Variants in KCTD1 observed in about 807,000 individuals in gnomAD.
KCTD1 encodes potassium channel tetramerization domain containing 1.
KCTD1 carries 24 observed loss-of-function variants against 66.0 expected under a neutral mutation model. That is an observed-to-expected ratio of 0.36 (90% confidence interval 0.26 to 0.51). KCTD1 has a LOEUF of 0.51. KCTD1 is among the 20% of genes least tolerant of loss of function. KCTD1 has a pLI of 0.95. For synonymous variants in KCTD1, 511 were observed against 517.2 expected (o/e 0.99, Z 0.16); for missense variants, 943 against 1,205.2 (o/e 0.78, Z 3.22).
chr18:26,455,956 C>G lies in KCTD1; in HGVS notation c.2440-55G>C. The G allele has an allele frequency of 1.2e-5, 18 of 1,549,608 alleles. No individual in the cohort carries two copies. In the South Asian group the frequency reaches 2.1e-4, roughly 18 times the overall value. The stretch of plus-strand genomic sequence containing the variant: ...AGGGGTGAGGTAAGTCCTATGGCTA[C>G]ATAAACACCCCAAAGTTTGAGATTA... On this transcript the variant is annotated intron_variant, in intron 4 of 4. Coordinates refer to ENST00000580059, the MANE Select transcript of KCTD1 (RefSeq NM_001142730.3).
At chr18:26,653,224 C>A (rs1305396643) in intron 1 of KCTD1, among the ~76,000 whole-genome samples, 1 of 152,214 alleles carries the variant, frequency 6.6e-6, no homozygotes. Flanking sequence ...GGTGCCTGTC[C>A]CTGCAGTCTG....
intron 3 of KCTD1, among the ~76,000 whole-genome samples, chr18:26,463,022 T>C (rs2144545633): frequency 6.6e-6 from 1 of 152,304 alleles, no homozygotes; most frequent in African/African-American, 2.4e-5. Context: ...TCAGCACCTG[T>C]TTTTCTGAAG....
Position 26,501,158 on chromosome 18 carries a change from T to C in KCTD1, c.1902A>G (p.Thr634=). The C allele has an allele frequency of 6.2e-7, 1 of 1,614,218 alleles. No individual in the cohort carries two copies. The highest frequency in any genetic ancestry group is 8.5e-7 in the Non-Finnish European group (1 of 1,180,028). The stretch of plus-strand genomic sequence containing the variant: ...CAATGTGGACAGGCGCATTGGATTT[T>C]GTGAGTTGTGCTGGAGTAGGGATGC... ...NQGIPTPAQL[T]KSNAPVHIDV... is the part of the protein sequence containing the mutation. Residue 634 remains threonine (T), a synonymous_variant, in exon 2 of 5, where the codon ACA becomes ACG. Transcript: ENST00000580059.
intron 1 of KCTD1, among the ~76,000 whole-genome samples, chr18:26,589,408 T>G (rs577521317): frequency 2.0e-5 from 3 of 152,338 alleles, no homozygotes; most frequent in African/African-American, 7.2e-5. Flanking sequence ...TTTATGACTT[T>G]CCACATTTTA....
chr18:26,643,679 C>G (rs1301034433), upstream of KCTD1, among the ~76,000 whole-genome samples: 1 of 152,190 alleles, frequency 6.6e-6, no homozygotes, highest in Non-Finnish European at 1.5e-5. Flanking sequence ...AAGGGGCCTG[C>G]TGGCCGGGTG....
Position 26,548,197 on chromosome 18 carries a change from C to T in KCTD1, c.340G>A (p.Glu114Lys), listed in dbSNP as rs1391989136. The T allele has an allele frequency of 3.3e-6, 5 of 1,504,814 alleles. No homozygotes were observed. Among genetic ancestry groups the T allele is most frequent in the Non-Finnish European group, 3.5e-6 (4 of 1,130,474 alleles). 93.2% of individuals were successfully genotyped at this position (1,504,814 alleles called of 1,614,324 possible). A position where few individuals can be genotyped will look rare whatever the true frequency, so the allele number is the denominator to read the frequency against. Residue 114 changes from glutamate to lysine, a missense_variant, in exon 1 of 5, where the codon GAG (glutamate) becomes AAG (lysine). This residue lies in a region of KCTD1 where 236 missense variants were observed against 206.6 expected (regional missense o/e 1.14). Transcript: ENST00000580059. The stretch of plus-strand genomic sequence containing the variant: ...ATATGGACCGGCTCGGGCTCCAGCT[C>T]CTCCCCGGCCGAGTCCTCGGGCTCC... ...PLEPEDSAGE[E>K]LEPEPVHMIN...
At chr18:26,540,541 T>C (rs771448227) in intron 1 of KCTD1, among the ~76,000 whole-genome samples, 18 of 152,020 alleles carry the variant, frequency 1.2e-4, no homozygotes, top group Non-Finnish European at 2.2e-4. Context: ...ACCTCCTCTA[T>C]CTCCTCTGCC....
intron 1 of KCTD1, chr18:26,599,757 C>T: frequency 6.3e-7 from 1 of 1,574,934 alleles, no homozygotes; most frequent in South Asian, 1.1e-5. Flanking sequence ...CTGTGTTCAC[C>T]CTGACTCTTT....
chr18:26,644,244 A>G (rs1292576846), upstream of KCTD1, among the ~76,000 whole-genome samples: 1 of 152,184 alleles, frequency 6.6e-6, no homozygotes, highest in Non-Finnish European at 1.5e-5. Flanking sequence ...AGGAAGAATT[A>G]TGTGACAATC....
chr18:26,570,192 ATATATATATAT>A (rs1567996906), intron 1 of KCTD1, among the ~76,000 whole-genome samples: 1 of 88,034 alleles, frequency 1.1e-5, no homozygotes, highest in African/African-American at 3.7e-5. Flanking sequence ...TCTAAAAAAA[ATATATATATAT>A]ATATATATAT....
In KCTD1 at chr18:26,585,824, T is replaced by A. The variant is rs183643033; in HGVS notation, c.-16+43323A>T. Among the ~76,000 whole-genome samples, 7 of 152,356 alleles carry A rather than the reference T, an allele frequency of 4.6e-5. No homozygotes were observed. The East Asian group carries it at 9.6e-4, about 21-fold the overall frequency. On this transcript the variant is annotated intron_variant, in intron 1 of 4. Transcript: ENST00000317932. ...ATCTCCCAAATATGATTAATTATAG[T>A]CGAACTTAAAAAGTACAGGTATGCT...
At chr18:26,634,476 A>G (rs1164275257) in intron 1 of KCTD1, among the ~76,000 whole-genome samples, 1 of 152,308 alleles carries the variant, frequency 6.6e-6, no homozygotes, top group African/African-American at 2.4e-5. Flanking sequence ...TGGAAAATAC[A>G]TATCGGGCAT....
At chr18:26,480,006 A>G (rs1431204923) in intron 2 of KCTD1, among the ~76,000 whole-genome samples, 1 of 150,622 alleles carries the variant, frequency 6.6e-6, no homozygotes, top group African/African-American at 2.4e-5. Context: ...GCCAAGACCA[A>G]GCTGGCTCCA....
At chr18:26,514,177 ATAAAG>A (rs1440176286) in intron 1 of KCTD1, among the ~76,000 whole-genome samples, 2 of 152,244 alleles carry the variant, frequency 1.3e-5, no homozygotes, top group Admixed American at 1.3e-4. Flanking sequence ...CTTTTAAAAA[ATAAAG>A]TAACGATCTC....
intron 1 of KCTD1, among the ~76,000 whole-genome samples, chr18:26,507,234 T>G (rs895965242): frequency 1.4e-4 from 21 of 152,224 alleles, no homozygotes; most frequent in Non-Finnish European, 2.6e-4. Context: ...TGCTATCATT[T>G]TGGACAGTGT....
chr18:26,655,585 T>C (rs912897074), intron 1 of KCTD1, among the ~76,000 whole-genome samples: 28 of 152,326 alleles, frequency 1.8e-4, no homozygotes, highest in African/African-American at 6.7e-4. Flanking sequence ...AAGAAGCCAG[T>C]GCCACTGGGA....
chr18:26,532,124 G>A (rs1007851896), intron 1 of KCTD1, among the ~76,000 whole-genome samples: 4 of 152,092 alleles, frequency 2.6e-5, no homozygotes, highest in African/African-American at 9.7e-5. Context: ...AATAAGGCAG[G>A]ATGTAATCAC....
chr18:26,623,013 T>G (rs1250640734), intron 1 of KCTD1, among the ~76,000 whole-genome samples: 5 of 152,232 alleles, frequency 3.3e-5, no homozygotes, highest in Non-Finnish European at 7.3e-5. Flanking sequence ...TCAAATCTGG[T>G]TAATATGTGT....
In KCTD1 at chr18:26,547,881, C is replaced by G; in HGVS notation, c.656G>C (p.Ser219Thr). 6.5e-7 allele frequency: 1 copy of G among 1,543,212 alleles called. No individual in the cohort carries two copies. Among genetic ancestry groups the G allele is most frequent in the Non-Finnish European group, 8.7e-7 (1 of 1,146,836 alleles). ...CGACGACTTGCTGTAGAGCTGGCCG[C>G]TTTTGGAGCGGGCCTCGGCATAGAA... Reference protein sequence around the residue: ...RSFYAEARSKSGQLYSKSSLI... With the variant: ...RSFYAEARSKTGQLYSKSSLI... Residue 219 changes from serine (S) to threonine (T), a missense_variant, in exon 1 of 5, where the codon AGC becomes ACC. Ser to Thr is a moderately conservative substitution (Grantham distance 58). Coordinates refer to ENST00000580059, the MANE Select transcript of KCTD1 (RefSeq NM_001142730.3).
Sources: gnomAD v4.1 joint callset for allele counts (sites outside exome capture counted in the v4.1 genomes callset) on GRCh38, gnomAD v4.1.1 for gene constraint, gnomAD v4.1.1 regional missense constraint, MANE v1.5 for transcripts, NCBI Gene and HGNC (gene_info 2026-07-23, HGNC 2026-07-21) for gene names.